Variants in LRRC3B observed in about 807,000 individuals in gnomAD.
The protein encoded by LRRC3B is leucine rich repeat containing 3B, also known as leucine-rich repeat-containing protein 3B.
In LRRC3B, 2 loss-of-function variants were observed where a neutral mutation model predicts 12.8. That is an observed-to-expected ratio of 0.16 (90% CI 0.06 to 0.49). The LOEUF is 0.49. Among genes scored for constraint, LRRC3B ranks in the 20% least tolerant of loss-of-function variants. The pLI, the probability that LRRC3B is intolerant of heterozygous loss-of-function variation, is 0.96. For missense variants in LRRC3B, 189 were observed against 319.4 expected, an observed-to-expected ratio of 0.59 and a Z score of 3.11; for synonymous variants, 132 against 122.0, an observed-to-expected ratio of 1.08 and a Z score of -0.54.
chr3:26,666,615 C>G (rs1052148302), intron 1 of LRRC3B, among the ~76,000 whole-genome samples: 8 of 152,046 alleles, frequency 5.3e-5, no homozygotes, highest in Admixed American at 3.9e-4. Context: ...ACAGGGAGTT[C>G]CTATATAACC....
At chr3:26,682,769 C>T (rs951199363) in intron 1 of LRRC3B, among the ~76,000 whole-genome samples, 4 of 152,210 alleles carry the variant, frequency 2.6e-5, no homozygotes, top group Admixed American at 6.5e-5. Context: ...TCTTCCCCTT[C>T]CCATTGCATA....
At chr3:26,684,537 A>T (rs1700032981) in intron 1 of LRRC3B, among the ~76,000 whole-genome samples, 1 of 152,198 alleles carries the variant, frequency 6.6e-6, no homozygotes, top group African/African-American at 2.4e-5. Flanking sequence ...ATTTTCTCAC[A>T]GTTCTGGATA....
intron 1 of LRRC3B, among the ~76,000 whole-genome samples, chr3:26,687,720 G>A (rs530767878): frequency 6.6e-5 from 10 of 152,120 alleles, no homozygotes; most frequent in African/African-American, 2.2e-4. Flanking sequence ...TGGTAGAATC[G>A]ATTCATTTGA....
chr3:26,706,854 G>A (rs1397968154), intron 1 of LRRC3B, among the ~76,000 whole-genome samples: 2 of 152,154 alleles, frequency 1.3e-5, no homozygotes, highest in Non-Finnish European at 2.9e-5. Flanking sequence ...ATGAGCCAAT[G>A]TTTATGTTTA....
chr3:26,685,970 T>C (rs2125445442), intron 1 of LRRC3B, among the ~76,000 whole-genome samples: 1 of 152,280 alleles, frequency 6.6e-6, no homozygotes, highest in East Asian at 1.9e-4. Context: ...AAATACCAAG[T>C]TCTTAGGCTT....
At chr3:26,666,906 C>T (rs942987487) in intron 1 of LRRC3B, among the ~76,000 whole-genome samples, 1 of 151,974 alleles carries the variant, frequency 6.6e-6, no homozygotes, top group Non-Finnish European at 1.5e-5. Context: ...ATTGTTGGTT[C>T]TAATAGAAAT....
chr3:26,634,742 C>T (rs544744270), intron 1 of LRRC3B, among the ~76,000 whole-genome samples: 3 of 152,170 alleles, frequency 2.0e-5, no homozygotes, highest in Admixed American at 6.5e-5. Context: ...ATCATAAAGG[C>T]TTTTAAGGAA....
intron 1 of LRRC3B, among the ~76,000 whole-genome samples, chr3:26,636,916 C>CTTTCTT (rs1210162334): frequency 1.1e-4 from 8 of 71,106 alleles, no homozygotes; most frequent in South Asian, 6.7e-4. Flanking sequence ...CTCTCTTTCT[C>CTTTCTT]TCTTTCTTTC....
At chr3:26,627,691 A>G (rs879691461) in intron 1 of LRRC3B, among the ~76,000 whole-genome samples, 14 of 152,076 alleles carry the variant, frequency 9.2e-5, no homozygotes, top group Non-Finnish European at 2.1e-4. Context: ...CTGAATCCCC[A>G]AGACCCCAGT....
At chr3:26,691,097 G>GTATATA (rs1270727731) in intron 1 of LRRC3B, among the ~76,000 whole-genome samples, 17 of 52,562 alleles carry the variant, frequency 3.2e-4, no homozygotes, top group East Asian at 5.0e-3. Flanking sequence ...GTATATGTGT[G>GTATATA]TGTGTGTGTA....
intron 1 of LRRC3B, among the ~76,000 whole-genome samples, chr3:26,697,324 G>C (rs1700341710): frequency 6.6e-6 from 1 of 152,144 alleles, no homozygotes; most frequent in Non-Finnish European, 1.5e-5. Flanking sequence ...GCTTCTGGTA[G>C]CTTGTCAGCA....
chr3:26,656,173 C>T (rs534042803), intron 1 of LRRC3B, among the ~76,000 whole-genome samples: 1 of 151,482 alleles, frequency 6.6e-6, no homozygotes, highest in Non-Finnish European at 1.5e-5. Context: ...GCTGCTGCTG[C>T]CACTGCCACT....
intron 1 of LRRC3B, among the ~76,000 whole-genome samples, chr3:26,664,846 C>T (rs964590845): frequency 6.6e-6 from 1 of 151,828 alleles, no homozygotes; most frequent in African/African-American, 2.4e-5. Context: ...TGACTCCCCA[C>T]GTGTCAGTGG....
intron 1 of LRRC3B, among the ~76,000 whole-genome samples, chr3:26,642,080 C>T (rs1007790075): frequency 1.3e-5 from 2 of 152,168 alleles, no homozygotes; most frequent in African/African-American, 4.8e-5. Context: ...TTGTATAGTT[C>T]TGCACGTCTC....
At chr3:26,633,042 C>T (rs1698791333) in intron 1 of LRRC3B, among the ~76,000 whole-genome samples, 1 of 152,152 alleles carries the variant, frequency 6.6e-6, no homozygotes, top group South Asian at 2.1e-4. Context: ...AAGCATATAC[C>T]ACTGCCCCTG....
chr3:26,670,375 A>G (rs1699695103), intron 1 of LRRC3B, among the ~76,000 whole-genome samples: 2 of 152,220 alleles, frequency 1.3e-5, no homozygotes, highest in African/African-American at 2.4e-5. Flanking sequence ...TGCATGCTAG[A>G]AGATCATAAT....
At chr3:26,672,773 T>C (rs1699774624) in intron 1 of LRRC3B, among the ~76,000 whole-genome samples, 1 of 152,240 alleles carries the variant, frequency 6.6e-6, no homozygotes, top group Non-Finnish European at 1.5e-5. Flanking sequence ...CATTTTCATG[T>C]CTTTGAAATA....
intron 1 of LRRC3B, among the ~76,000 whole-genome samples, chr3:26,686,406 T>G (rs1459349109): frequency 6.6e-6 from 1 of 152,188 alleles, no homozygotes; most frequent in Admixed American, 6.5e-5. Flanking sequence ...TAATTTTCCA[T>G]GCTCCTTATG....
At chr3:26,645,558 A>T (rs980442137) in intron 1 of LRRC3B, among the ~76,000 whole-genome samples, 1 of 152,008 alleles carries the variant, frequency 6.6e-6, no homozygotes, top group Admixed American at 6.6e-5. Flanking sequence ...ATATCTATAT[A>T]TATATAGATA....
Sources: gnomAD v4.1 joint callset for allele counts (sites outside exome capture counted in the v4.1 genomes callset) on GRCh38, gnomAD v4.1.1 for gene constraint, MANE v1.5 for transcripts, NCBI Gene and HGNC (gene_info 2026-07-23, HGNC 2026-07-21) for gene names.